EPS8: variants seen among roughly 807,000 people sequenced by gnomAD.
EPS8 encodes epidermal growth factor receptor kinase substrate 8.
In EPS8, 42 loss-of-function variants were observed where a neutral mutation model predicts 103.8. That is an observed-to-expected ratio of 0.40 (90% confidence interval 0.32 to 0.52). The LOEUF (loss-of-function observed/expected upper bound fraction) is 0.52, where lower values mean the gene tolerates loss of function less well. Ranked by LOEUF, EPS8 falls within the 20% of genes least tolerant of loss-of-function variation. The probability of loss-of-function intolerance (pLI) is 0.40; values close to 1 mark genes in which losing one functional copy is unlikely to be tolerated. For missense variants in EPS8, 969 were observed against 1,005.1 expected (o/e 0.96, Z 0.49); for synonymous variants, 344 against 344.6 (o/e 1.00, Z 0.02).
At chr12:15,676,208 C>T (rs568589851) in intron 3 of EPS8, among the ~76,000 whole-genome samples, 6 of 138,500 alleles carry the variant, frequency 4.3e-5, no homozygotes, top group Non-Finnish European at 6.0e-5. Flanking sequence ...AGGAGTGAGC[C>T]GAGATTGCGC....
Position 15,764,083 on chromosome 12 carries a change from T to C in EPS8, c.-22+25078A>G, listed in dbSNP as rs1947068784. On this transcript the variant is annotated intron_variant, in intron 1 of 20. Transcript: ENST00000281172. This position sits in a 1 kb window ranked among gnomAD's most constrained non-coding sequence, Gnocchi z 4.1. ...GGTTTAATGGACTCACAGTTCCACA[T>C]GGCTAGGGAGGCCTCATAATCATGT... Among the ~76,000 whole-genome samples, 1 of 152,190 alleles carries C rather than the reference T, an allele frequency of 6.6e-6. No individual in the cohort carries two copies. The highest frequency in any genetic ancestry group is 1.5e-5 in the Non-Finnish European group (1 of 68,026).
At chr12:15,622,770 C>T (rs776034979) in intron 20 of EPS8, among the ~76,000 whole-genome samples, 5 of 150,230 alleles carry the variant, frequency 3.3e-5, no homozygotes, top group Non-Finnish European at 5.9e-5. Context: ...ATAACCTATA[C>T]GTTATTAGAA....
At chr12:15,711,752 A>G (rs536955322) in intron 1 of EPS8, among the ~76,000 whole-genome samples, 3 of 152,342 alleles carry the variant, frequency 2.0e-5, no homozygotes, top group Admixed American at 2.0e-4. Flanking sequence ...ATTTGTGTAA[A>G]TTGATAATGC....
chr12:15,704,795 G>A lies in EPS8; in HGVS notation c.-21-21823C>T, dbSNP rs1375265916. ...AACAAATGAACTACTGAATGTCTGTGAGCCTATCAGGTAAAGCCACCTGGT... is the reference window on the plus strand; with the variant it reads ...AACAAATGAACTACTGAATGTCTGTAAGCCTATCAGGTAAAGCCACCTGGT... On this transcript the variant is annotated intron_variant, in intron 1 of 20. Transcript: ENST00000281172. The surrounding 1 kb of genome is among the most constrained non-coding windows in gnomAD (Gnocchi z 4.6). Among the ~76,000 whole-genome samples, 2 of 152,162 alleles carry A rather than the reference G, an allele frequency of 1.3e-5. No individual in the cohort carries two copies. The highest frequency in any genetic ancestry group is 4.8e-5 in the African/African-American group (2 of 41,424).
At chr12:15,664,243 G>C (rs1945668939) in intron 8 of EPS8, among the ~76,000 whole-genome samples, 1 of 151,386 alleles carries the variant, frequency 6.6e-6, no homozygotes, top group Non-Finnish European at 1.5e-5. Flanking sequence ...TATGAAAACG[G>C]AAACTGTTAT....
chr12:15,639,259 C>T (rs1400986387), intron 17 of EPS8, among the ~76,000 whole-genome samples: 2 of 151,966 alleles, frequency 1.3e-5, no homozygotes, highest in Admixed American at 1.3e-4. Context: ...TATACTACCT[C>T]TATGGGAAAG....
Position 15,639,197 on chromosome 12 carries a change from T to C in EPS8, c.1821+1506A>G, listed in dbSNP as rs1176217476. On this transcript the variant is annotated intron_variant, in intron 17 of 20. Transcript: ENST00000281172. ...TGACCTGCATATTAAAATTAGTTGA[T>C]ATAGCCCAAAGGTATGTACTCTACC... Among the ~76,000 whole-genome samples, 4 of 152,160 alleles carry C rather than the reference T, an allele frequency of 2.6e-5. 1 individual carries two copies. Among genetic ancestry groups the C allele is most frequent in the Admixed American group, 2.6e-4 (4 of 15,270 alleles).
chr12:15,660,637 T>G lies in EPS8; in HGVS notation c.914A>C (p.Lys305Thr). The G allele has an allele frequency of 6.4e-7, 1 of 1,565,268 alleles. No individual in the cohort carries two copies. Among genetic ancestry groups the G allele is most frequent in the Non-Finnish European group, 8.8e-7 (1 of 1,136,020 alleles). Residue 305 changes from lysine to threonine, a missense_variant, in exon 10 of 21, where the codon AAA (lysine) becomes ACA (threonine). Lys to Thr is a moderately conservative substitution (Grantham distance 78). Coordinates refer to ENST00000281172, the MANE Select transcript of EPS8 (RefSeq NM_004447.6). ...SELSKRKKNKKGKRKGPGEGV... is the reference protein window; with the variant it reads ...SELSKRKKNKTGKRKGPGEGV... ...ACCTCCTGGTCCTTTCCTTTTACCT[T>G]TCTTGTTTTTCTTCCTTTTAGAAAG...
In EPS8 at chr12:15,624,912, G is replaced by T. The variant is rs533575231; in HGVS notation, c.2045-505C>A. Among the ~76,000 whole-genome samples the T allele has an allele frequency of 2.0e-5, 3 of 152,248 alleles. No individual in the cohort carries two copies. The East Asian group carries it at 5.8e-4, about 29-fold the overall frequency. The stretch of plus-strand genomic sequence containing the variant: ...AAAGGCTGCTGCTGTCACACAGTGG[G>T]TAGAAGCCTGGGATGCACACAACAT... On this transcript the variant is annotated intron_variant, in intron 18 of 20. Transcript: ENST00000281172.
rs879568058 is a variant in EPS8 at position 15,716,859 on chromosome 12, G to A, written c.-21-33887C>T. Among the ~76,000 whole-genome samples, 11 of 152,274 alleles carry A rather than the reference G, an allele frequency of 7.2e-5. No homozygotes were observed. Among genetic ancestry groups the A allele is most frequent in the Non-Finnish European group, 1.5e-4 (10 of 68,020 alleles). ...AAGCAAAATTTCACTTTCAGTTCCT[G>A]TACTGTTCAACCCCAATTCCTCATC... On this transcript the variant is annotated intron_variant, in intron 1 of 20. Transcript: ENST00000281172. The surrounding 1 kb of genome is among the most constrained non-coding windows in gnomAD (Gnocchi z 5.0).
intron 1 of EPS8, among the ~76,000 whole-genome samples, chr12:15,737,130 TAGGTCTC>T (rs1946774336): frequency 6.6e-6 from 1 of 152,128 alleles, no homozygotes; most frequent in South Asian, 2.1e-4. Flanking sequence ...CACAATAGTG[TAGGTCTC>T]TTCTTTCAAA....
intron 1 of EPS8, among the ~76,000 whole-genome samples, chr12:15,729,523 C>T (rs773742882): frequency 6.6e-6 from 1 of 152,112 alleles, no homozygotes; most frequent in African/African-American, 2.4e-5. Context: ...TTCATTAGCC[C>T]TCTCCAATCT....
At position 15,759,118 on chromosome 12, in the gene EPS8, T is replaced by A. The variant is rs116621600; in HGVS notation, c.-22+30043A>T. ...AAACCATATTATCAAAATTAGCTTATGTGTTAATATTTCATAATATGGTAT... is the reference window on the plus strand; with the variant it reads ...AAACCATATTATCAAAATTAGCTTAAGTGTTAATATTTCATAATATGGTAT... On this transcript the variant is annotated intron_variant, in intron 1 of 20. Coordinates refer to ENST00000281172, the MANE Select transcript of EPS8 (RefSeq NM_004447.6). This position sits in a 1 kb window ranked among gnomAD's most constrained non-coding sequence, Gnocchi z 4.9. 0.027 allele frequency among the ~76,000 whole-genome samples: 4,069 copies of A among 152,246 alleles called. 179 individuals carry two copies. The highest frequency in any genetic ancestry group is 0.093 in the African/African-American group (3,864 of 41,556).
Position 15,670,709 on chromosome 12 carries a change from T to C in EPS8, c.204+147A>G, listed in dbSNP as rs577248459. 6 of 554,002 alleles carry C rather than the reference T, an allele frequency of 1.1e-5. No homozygotes were observed. The East Asian group carries it at 1.2e-4, about 11-fold the overall frequency. The allele number at this position is 554,002 out of a possible 1,614,324, so 34.3% of individuals were successfully genotyped here. A position where few individuals can be genotyped will look rare whatever the true frequency, so the allele number is the denominator to read the frequency against. ...GACTAACAAGATACTTTATATGTAA[T>C]ATCTGTTTTAAAAAATCTAAACAAA... On this transcript the variant is annotated intron_variant, in intron 4 of 20. Transcript: ENST00000281172.
Position 15,787,068 on chromosome 12 carries a change from C to A in EPS8, c.-22+2093G>T, listed in dbSNP as rs956388539. ...CATAAATCAGTGTTAAAATATTCAT[C>A]CAATAGAACTTCAAGTATTTAAAGA... On this transcript the variant is annotated intron_variant, in intron 1 of 20. Coordinates refer to ENST00000281172, the MANE Select transcript of EPS8 (RefSeq NM_004447.6). The surrounding 1 kb of genome is among the most constrained non-coding windows in gnomAD (Gnocchi z 4.9). Among the ~76,000 whole-genome samples the A allele has an allele frequency of 6.6e-6, 1 of 152,074 alleles. No homozygotes were observed. The highest frequency in any genetic ancestry group is 2.4e-5 in the African/African-American group (1 of 41,414).
At chr12:15,626,204 T>A (rs1035324672) in intron 18 of EPS8, among the ~76,000 whole-genome samples, 2 of 152,176 alleles carry the variant, frequency 1.3e-5, no homozygotes, top group African/African-American at 4.8e-5. Context: ...CAAAATCCAA[T>A]GATTTCACTG....
intron 1 of EPS8, among the ~76,000 whole-genome samples, chr12:15,740,601 A>G (rs1464811704): frequency 2.6e-5 from 4 of 151,532 alleles, no homozygotes; most frequent in Non-Finnish European, 4.4e-5. Context: ...ATAAATAAAT[A>G]GGAAGTTCCT....
intron 9 of EPS8, among the ~76,000 whole-genome samples, chr12:15,661,022 T>C (rs1367768693): frequency 6.6e-6 from 1 of 152,210 alleles, no homozygotes; most frequent in African/African-American, 2.4e-5. Flanking sequence ...ATTTTCTCAG[T>C]GTTCTCCCAC....
Position 15,747,742 on chromosome 12 carries a change from C to G in EPS8, c.-22+41419G>C, listed in dbSNP as rs563996388. Among the ~76,000 whole-genome samples the G allele has an allele frequency of 6.6e-6, 1 of 152,188 alleles. No individual in the cohort carries two copies. The highest frequency in any genetic ancestry group is 2.1e-4 in the South Asian group (1 of 4,812). ...ACTCCAATTTAAGAAAAAAAATAGCCAGGCGCAGTGGCTCACGCCTGTAAT... is the reference window on the plus strand; with the variant it reads ...ACTCCAATTTAAGAAAAAAAATAGCGAGGCGCAGTGGCTCACGCCTGTAAT... On this transcript the variant is annotated intron_variant, in intron 1 of 20. Transcript: ENST00000281172. The surrounding 1 kb of genome is among the most constrained non-coding windows in gnomAD (Gnocchi z 4.4).
Sources: allele counts gnomAD v4.1 joint callset (sites outside exome capture counted in the v4.1 genomes callset), GRCh38; gene constraint gnomAD v4.1.1; non-coding constraint Gnocchi (gnomAD v3.1); transcripts MANE v1.5; gene names NCBI Gene and HGNC (gene_info 2026-07-23, HGNC 2026-07-21).